The following SETD7 variants were observed in gnomAD, a reference collection of about 807,000 sequenced individuals.
SETD7 encodes the protein SET domain containing 7, histone lysine methyltransferase, also known as histone-lysine N-methyltransferase SETD7.
Under a neutral mutation model 41.8 loss-of-function variants are expected in SETD7, and 16 were observed. The ratio of observed to expected loss-of-function variants is 0.38; its 90% confidence interval spans 0.26 to 0.58. The LOEUF (loss-of-function observed/expected upper bound fraction) is 0.58, where lower values mean the gene tolerates loss of function less well. Ranked by LOEUF, SETD7 falls within the 20% of genes least tolerant of loss-of-function variation. SETD7 has a pLI of 0.64. For synonymous variants in SETD7, 163 were observed against 169.7 expected, an observed-to-expected ratio of 0.96 and a Z score of 0.31; for missense variants, 346 against 459.7, an observed-to-expected ratio of 0.75 and a Z score of 2.26.
At chr4:139,547,988 A>T (rs147257958) in intron 1 of SETD7, 1 of 152,204 alleles carries the variant, frequency 6.6e-6, no homozygotes, top group Admixed American at 6.5e-5. Flanking sequence ...TTTTATTACT[A>T]TCTACATGTT....
chr4:139,519,053 G>A (rs551021033), intron 6 of SETD7, among the ~76,000 whole-genome samples: 4 of 152,062 alleles, frequency 2.6e-5, no homozygotes, highest in Non-Finnish European at 4.4e-5. Flanking sequence ...ACCATGTGCC[G>A]GGCACTCTTC....
At chr4:139,515,307 G>A (rs1021733224) in intron 7 of SETD7, among the ~76,000 whole-genome samples, 8 of 152,022 alleles carry the variant, frequency 5.3e-5, no homozygotes, top group African/African-American at 1.9e-4. Flanking sequence ...ACTAAGATTT[G>A]GTCACCCTGG....
intron 3 of SETD7, among the ~76,000 whole-genome samples, chr4:139,531,826 C>T (rs188083901): frequency 2.8e-4 from 43 of 152,206 alleles, no homozygotes; most frequent in East Asian, 1.2e-3. Context: ...TGTGGTGGCT[C>T]GCACCTGTAA....
chr4:139,500,747 G>C (rs745513189), intron 7 of SETD7, among the ~76,000 whole-genome samples: 3 of 152,212 alleles, frequency 2.0e-5, no homozygotes, highest in African/African-American at 7.2e-5. Flanking sequence ...GACCTCAGAT[G>C]ATCTGCCCAC....
chr4:139,501,168 C>G (rs1267458603), downstream of SETD7, among the ~76,000 whole-genome samples: 2 of 152,144 alleles, frequency 1.3e-5, no homozygotes, highest in African/African-American at 4.8e-5. Flanking sequence ...TTATCCGTTT[C>G]CCTCACTAAA....
At chr4:139,536,038 C>T (rs764093704) in intron 2 of SETD7, among the ~76,000 whole-genome samples, 11 of 152,166 alleles carry the variant, frequency 7.2e-5, no homozygotes, top group Non-Finnish European at 1.5e-4. Flanking sequence ...GGAACAAAGC[C>T]ATGCATGTTC....
At chr4:139,516,916 A>G (rs541473273) in intron 7 of SETD7, among the ~76,000 whole-genome samples, 2 of 152,110 alleles carry the variant, frequency 1.3e-5, no homozygotes, top group Non-Finnish European at 2.9e-5. Context: ...CACACTCCTT[A>G]TCACCCCTCC....
At chr4:139,518,240 T>TGCCTC (rs1278512596) in intron 6 of SETD7, among the ~76,000 whole-genome samples, 198 bp from the exon 7 acceptor site, 1 of 152,228 alleles carries the variant, frequency 6.6e-6, no homozygotes, top group African/African-American at 2.4e-5. Context: ...GCGACTCTTG[T>TGCCTC]GCCTCAGCCT....
Position 139,555,858 on chromosome 4 carries a change from C to G in SETD7, c.40+240G>C, listed in dbSNP as rs1010029792. 5.3e-5 allele frequency among the ~76,000 whole-genome samples: 8 copies of G among 152,062 alleles called. No homozygotes were observed. Among genetic ancestry groups the G allele is most frequent in the African/African-American group, 1.9e-4 (8 of 41,440 alleles). Reference sequence around the variant, plus strand: ...GGCCGGGCGGGATGGAGCGGCCGTGCGTTTCCAGCGCCCCCGGCCTGGCGG... The same window carrying G: ...GGCCGGGCGGGATGGAGCGGCCGTGGGTTTCCAGCGCCCCCGGCCTGGCGG... On this transcript the variant is annotated intron_variant, in intron 1 of 7. Coordinates refer to ENST00000274031, the MANE Select transcript of SETD7 (RefSeq NM_030648.4). The surrounding 1 kb of genome is among the most constrained non-coding windows in gnomAD (Gnocchi z 4.0).
At chr4:139,494,883 G>C (rs1726425414), downstream of SETD7, among the ~76,000 whole-genome samples, 1 of 152,174 alleles carries the variant, frequency 6.6e-6, no homozygotes, top group South Asian at 2.1e-4. Flanking sequence ...ATCTTAAATG[G>C]GAAACTAGAA....
downstream of SETD7, among the ~76,000 whole-genome samples, chr4:139,501,487 C>T (rs1254038028): frequency 6.6e-6 from 1 of 151,956 alleles, no homozygotes; most frequent in Non-Finnish European, 1.5e-5. Flanking sequence ...GTACAATGTA[C>T]ATTACTCAGG....
rs751456489 is a variant in SETD7 at position 139,511,743 on chromosome 4, G to A, written c.1021C>T (p.Pro341Ser). The A allele has an allele frequency of 1.9e-6, 3 of 1,614,134 alleles. No individual in the cohort carries two copies. Among genetic ancestry groups the A allele is most frequent in the South Asian group, 1.1e-5 (1 of 91,080 alleles). Residue 341 changes from proline to serine, a missense_variant, in exon 8 of 8, where the codon CCC becomes TCC. Around this residue, in one of 3 missense-constraint regions of SETD7, gnomAD observed 75 missense variants for 65.5 expected, o/e 1.14. Transcript: ENST00000274031. ...GCTTCAGGCCCACTCTTCCCGGGGG[G>A]GCTGTGGTCATAGCCATAGGCAACG... ...LTVAYGYDHS[P>S]PGKSGPEAPE...
At chr4:139,532,299 T>G (rs1727502276) in intron 3 of SETD7, among the ~76,000 whole-genome samples, 1 of 151,974 alleles carries the variant, frequency 6.6e-6, no homozygotes, top group African/African-American at 2.4e-5. Context: ...ATTAGCCAGA[T>G]GTGATGACAT....
intron 3 of SETD7, 96 bp from the exon 4 acceptor site, chr4:139,529,316 T>C (rs1692497132): frequency 2.2e-6 from 2 of 891,110 alleles, no homozygotes; most frequent in South Asian, 3.7e-5. Context: ...ATTATTAATA[T>C]AGCACCAGTA....
chr4:139,503,179 GAAAAAAA>G (rs11388022), downstream of SETD7, among the ~76,000 whole-genome samples: 1 of 73,160 alleles, frequency 1.4e-5, no homozygotes, highest in East Asian at 4.2e-4. Flanking sequence ...CTCTGTCTCA[GAAAAAAA>G]AAAAAAAAAA....
intron 3 of SETD7, among the ~76,000 whole-genome samples, chr4:139,530,356 C>CTT (rs70943427): frequency 6.4e-4 from 81 of 126,916 alleles, no homozygotes; most frequent in Admixed American, 2.3e-3. Flanking sequence ...CAAATGCTGC[C>CTT]TTTTTTTTTT....
intron 2 of SETD7, among the ~76,000 whole-genome samples, chr4:139,543,344 C>T (rs1727831062): frequency 6.6e-6 from 1 of 152,196 alleles, no homozygotes; most frequent in Non-Finnish European, 1.5e-5. Flanking sequence ...CCTTAGAAAA[C>T]CCTGGTAGAT....
At chr4:139,514,363 T>C (rs1726962730) in intron 7 of SETD7, among the ~76,000 whole-genome samples, 1 of 152,132 alleles carries the variant, frequency 6.6e-6, no homozygotes, top group African/African-American at 2.4e-5. Context: ...TCTGGTACAC[T>C]GAAAAAAAAC....
chr4:139,543,822 G>A (rs1401685441), intron 2 of SETD7, among the ~76,000 whole-genome samples: 2 of 138,190 alleles, frequency 1.4e-5, no homozygotes, highest in Non-Finnish European at 3.1e-5. Flanking sequence ...AAATTAGCCG[G>A]GCGTGGTGGT....
Sources: gnomAD v4.1 joint callset for allele counts (sites outside exome capture counted in the v4.1 genomes callset) on GRCh38, gnomAD v4.1.1 for gene constraint, gnomAD v4.1.1 regional missense constraint, Gnocchi (gnomAD v3.1) non-coding constraint, MANE v1.5 for transcripts, NCBI Gene and HGNC (gene_info 2026-07-23, HGNC 2026-07-21) for gene names.